The following SYN3 variants were observed in gnomAD, a reference collection of about 807,000 sequenced individuals.
SYN3 encodes synapsin-3.
SYN3 carries 35 observed loss-of-function variants against 65.8 expected under a neutral mutation model. That is an observed-to-expected ratio of 0.53 (90% CI 0.41 to 0.70). The LOEUF (loss-of-function observed/expected upper bound fraction) is 0.70, where lower values mean the gene tolerates loss of function less well. Ranked by LOEUF, SYN3 falls within the 30% of genes least tolerant of loss-of-function variation. The probability of loss-of-function intolerance (pLI) is 0.00; values close to 1 mark genes in which losing one functional copy is unlikely to be tolerated. For missense variants in SYN3, 680 were observed against 749.0 expected, an observed-to-expected ratio of 0.91 and a Z score of 1.08; for synonymous variants, 270 against 292.9, an observed-to-expected ratio of 0.92 and a Z score of 0.80.
At chr22:32,610,347 C>T (rs780969413) in intron 6 of SYN3, among the ~76,000 whole-genome samples, 1 of 152,086 alleles carries the variant, frequency 6.6e-6, no homozygotes, top group Non-Finnish European at 1.5e-5. Flanking sequence ...GTTGTGCAGC[C>T]ATCAACACTA....
intron 3 of SYN3, among the ~76,000 whole-genome samples, chr22:32,971,917 C>A (rs917429832): frequency 6.6e-6 from 1 of 152,192 alleles, no homozygotes; most frequent in Non-Finnish European, 1.5e-5. Context: ...TCCGGCAACT[C>A]TGCAAGAAGC....
intron 7 of SYN3, among the ~76,000 whole-genome samples, chr22:32,573,764 G>T (rs11704839): frequency 3.4e-4 from 37 of 108,508 alleles, no homozygotes; most frequent in East Asian, 7.6e-4. Flanking sequence ...GAAGGAAGGG[G>T]TTTTTTTTTT....
At chr22:33,056,827 A>G (rs1247492076) in intron 1 of SYN3, among the ~76,000 whole-genome samples, 1 of 152,094 alleles carries the variant, frequency 6.6e-6, no homozygotes, top group Non-Finnish European at 1.5e-5. Flanking sequence ...TACTACACCA[A>G]TCTACACACA....
intron 4 of SYN3, among the ~76,000 whole-genome samples, chr22:32,872,968 G>A (rs73158368): frequency 0.015 from 1,990 of 136,448 alleles, 32 homozygotes; most frequent in African/African-American, 0.034. Context: ...GAGAGACAGA[G>A]TCTGGCTCTA....
intron 6 of SYN3, among the ~76,000 whole-genome samples, chr22:32,701,297 T>A (rs2060807022): frequency 6.6e-6 from 1 of 152,212 alleles, no homozygotes; most frequent in African/African-American, 2.4e-5. Flanking sequence ...ATTACTTAAC[T>A]GCTCATCAGA....
At chr22:32,699,159 T>A (rs1222051834) in intron 6 of SYN3, among the ~76,000 whole-genome samples, 1 of 152,026 alleles carries the variant, frequency 6.6e-6, no homozygotes, top group African/African-American at 2.4e-5. Context: ...ATTGACAGAG[T>A]TGGCCCAGAA....
chr22:32,781,905 CAG>C (rs1269986702), intron 6 of SYN3, among the ~76,000 whole-genome samples: 1 of 151,988 alleles, frequency 6.6e-6, no homozygotes, highest in Non-Finnish European at 1.5e-5. Context: ...CTTTTTTAAA[CAG>C]AACAGACAAG....
chr22:32,571,079 A>G (rs766833011), intron 7 of SYN3, among the ~76,000 whole-genome samples: 3 of 152,144 alleles, frequency 2.0e-5, no homozygotes, highest in Non-Finnish European at 4.4e-5. Flanking sequence ...GGTGACCTGT[A>G]GGGTGTCCTA....
intron 4 of SYN3, among the ~76,000 whole-genome samples, chr22:32,873,864 T>C (rs1436000219): frequency 2.0e-5 from 3 of 152,096 alleles, no homozygotes; most frequent in African/African-American, 7.2e-5. Context: ...CAGTGGCTCA[T>C]GCTTGTAATC....
intron 13 of SYN3, 99 bp downstream of exon 13, chr22:32,517,944 G>T: frequency 7.7e-7 from 1 of 1,302,858 alleles, no homozygotes; most frequent in Non-Finnish European, 1.0e-6. Context: ...AGGCCTCGTT[G>T]GGTCTTCCTT....
chr22:33,026,825 A>G (rs1408734106), intron 1 of SYN3, among the ~76,000 whole-genome samples: 2 of 152,170 alleles, frequency 1.3e-5, no homozygotes, highest in Admixed American at 1.3e-4. Context: ...AAAACCCAGA[A>G]AGCATTGGTA....
At chr22:32,592,395 C>T (rs931594107) in intron 7 of SYN3, among the ~76,000 whole-genome samples, 1 of 152,224 alleles carries the variant, frequency 6.6e-6, no homozygotes, top group Non-Finnish European at 1.5e-5. Context: ...ATGGTATCCC[C>T]ATGAATACGG....
rs1470443713 is a variant in SYN3, at chr22:32,698,231, T to C, written c.712-101495A>G. 3.3e-5 allele frequency among the ~76,000 whole-genome samples: 5 copies of C among 152,136 alleles called. No individual in the cohort carries two copies. In the East Asian group the frequency reaches 9.6e-4, roughly 29 times the overall value. Reference sequence around the variant, plus strand: ...CATTCCTCAGAAAAAATTCACACAGTAGATTCTACTGACAACTTCAAGGTG... The same window carrying C: ...CATTCCTCAGAAAAAATTCACACAGCAGATTCTACTGACAACTTCAAGGTG... On this transcript the variant is annotated intron_variant, in intron 6 of 13. Coordinates refer to ENST00000358763, the MANE Select transcript of SYN3 (RefSeq NM_003490.4).
intron 1 of SYN3, among the ~76,000 whole-genome samples, chr22:33,013,901 T>C (rs1373384584): frequency 6.6e-6 from 1 of 151,978 alleles, no homozygotes; most frequent in Admixed American, 6.6e-5. Context: ...AGCAGAATTT[T>C]CCCCTCCTTT....
At chr22:32,827,500 G>A (rs2047446935) in intron 6 of SYN3, among the ~76,000 whole-genome samples, 1 of 152,142 alleles carries the variant, frequency 6.6e-6, no homozygotes, top group Admixed American at 6.5e-5. Flanking sequence ...GTACCTCTGG[G>A]CTTTTCTAGG....
At chr22:32,750,819 G>T (rs1384108518) in intron 6 of SYN3, among the ~76,000 whole-genome samples, 2 of 152,120 alleles carry the variant, frequency 1.3e-5, no homozygotes, top group African/African-American at 4.8e-5. Flanking sequence ...AGACTCCAAG[G>T]TTTGGGGTCT....
intron 7 of SYN3, among the ~76,000 whole-genome samples, chr22:32,579,485 C>T (rs975400048): frequency 5.3e-5 from 8 of 152,160 alleles, no homozygotes; most frequent in Admixed American, 1.3e-4. Flanking sequence ...ATCCTATTCA[C>T]GTGGGCAGAG....
chr22:32,697,912 A>C (rs1444107192), intron 6 of SYN3, among the ~76,000 whole-genome samples: 7 of 152,136 alleles, frequency 4.6e-5, no homozygotes, highest in Non-Finnish European at 5.9e-5. Context: ...AGCATGCCTG[A>C]GCTAGCCTGC....
At chr22:32,960,341 C>T (rs1223547980) in intron 3 of SYN3, among the ~76,000 whole-genome samples, 1 of 152,212 alleles carries the variant, frequency 6.6e-6, no homozygotes, top group African/African-American at 2.4e-5. Context: ...ACAGCCCCTA[C>T]TCTCCAAGGC....
Sources: gnomAD v4.1 joint callset for allele counts (sites outside exome capture counted in the v4.1 genomes callset) on GRCh38, gnomAD v4.1.1 for gene constraint, MANE v1.5 for transcripts, NCBI Gene and HGNC (gene_info 2026-07-23, HGNC 2026-07-21) for gene names.